VPS4B: variants seen among roughly 807,000 people sequenced by gnomAD.
The protein encoded by VPS4B is vacuolar protein sorting-associated protein 4B.
A neutral mutation model predicts 56.1 loss-of-function variants in VPS4B; 23 were observed. That is an observed-to-expected ratio of 0.41 (90% CI 0.30 to 0.58). VPS4B has a LOEUF of 0.58. Ranked by LOEUF, VPS4B falls within the 20% of genes least tolerant of loss-of-function variation. The pLI is 0.29. For missense variants in VPS4B, 372 were observed against 531.9 expected (o/e 0.70, Z 2.96); for synonymous variants, 177 against 186.0 (o/e 0.95, Z 0.39).
intron 2 of VPS4B, 62 bp from the exon 3 acceptor site, chr18:63,410,508 T>C: frequency 6.4e-7 from 1 of 1,568,262 alleles, no homozygotes; most frequent in Non-Finnish European, 8.6e-7. Flanking sequence ...AGGTTTGAAC[T>C]CTTAAATATG....
chr18:63,402,201 G>A (rs992908623), intron 5 of VPS4B, among the ~76,000 whole-genome samples: 2 of 152,024 alleles, frequency 1.3e-5, no homozygotes, highest in African/African-American at 4.8e-5. Flanking sequence ...ATATACCACT[G>A]GTATAACATG....
chr18:63,400,801 C>T (rs1327651010), intron 5 of VPS4B, 98 bp from the exon 6 acceptor site: 1 of 1,166,224 alleles, frequency 8.6e-7, no homozygotes, highest in Non-Finnish European at 1.2e-6. Flanking sequence ...CTCTAAACCT[C>T]TAAGGATCAA....
At chr18:63,399,194 C>A in intron 8 of VPS4B, 48 bp downstream of exon 8, 2 of 1,472,972 alleles carry the variant, frequency 1.4e-6, no homozygotes, top group Non-Finnish European at 1.9e-6. Context: ...TTATCATCTA[C>A]TTGTTACATC....
chr18:63,398,204 CATAT>C (rs200905713), intron 8 of VPS4B, among the ~76,000 whole-genome samples: 6,356 of 112,446 alleles, frequency 0.057, 198 homozygotes, highest in East Asian at 0.25. Context: ...CACACACACA[CATAT>C]ATATATATAT....
intron 1 of VPS4B, among the ~76,000 whole-genome samples, chr18:63,419,692 G>A (rs1246365128): frequency 6.6e-6 from 1 of 152,192 alleles, no homozygotes; most frequent in Non-Finnish European, 1.5e-5. Context: ...CCTACGTCAT[G>A]ATATGAACTG....
chr18:63,410,203 G>C, intron 3 of VPS4B, 87 bp downstream of exon 3: 1 of 1,548,220 alleles, frequency 6.5e-7, no homozygotes, highest in African/African-American at 1.4e-5. Flanking sequence ...ATGAGCCATA[G>C]TTTGCTGACA....
chr18:63,400,469 G>T, intron 6 of VPS4B, 78 bp downstream of exon 6: 1 of 1,404,086 alleles, frequency 7.1e-7, no homozygotes, highest in East Asian at 2.4e-5. Context: ...ATCTATAAGT[G>T]ATGTAAGAAA....
chr18:63,406,582 AATTT>A (rs1281147252), intron 4 of VPS4B, among the ~76,000 whole-genome samples: 1 of 152,250 alleles, frequency 6.6e-6, no homozygotes, highest in Non-Finnish European at 1.5e-5. Context: ...ATTGTTAGAT[AATTT>A]ATTTCGAAGA....
chr18:63,397,397 T>C, intron 8 of VPS4B, 144 bp from the exon 9 acceptor site: 2 of 734,086 alleles, frequency 2.7e-6, no homozygotes, highest in Middle Eastern at 4.1e-4. Context: ...CCAGAACACA[T>C]TAAAAACAAA....
intron 5 of VPS4B, among the ~76,000 whole-genome samples, chr18:63,401,925 G>A (rs1405040985): frequency 3.3e-5 from 5 of 152,140 alleles, no homozygotes; most frequent in Non-Finnish European, 7.3e-5. Flanking sequence ...CTCGGGAGGT[G>A]GAGGTTGCAG....
intron 10 of VPS4B, among the ~76,000 whole-genome samples, chr18:63,391,436 T>A (rs1915548112): frequency 2.0e-5 from 3 of 152,098 alleles, no homozygotes; most frequent in African/African-American, 7.2e-5. Context: ...GTTTTGTTGG[T>A]CAGGCTGGTC....
Position 63,390,946 on chromosome 18 carries a change from A to G in VPS4B, c.*29T>C. On this transcript the variant is annotated 3_prime_UTR_variant, in exon 11 of 11. Transcript: ENST00000238497. ...AAAATATCTATGAAAGAAAGAATAC[A>G]TATGGTAAGCATCTTCCTTGTCTTT... 1.4e-6 allele frequency: 2 copies of G among 1,429,020 alleles called. No individual in the cohort carries two copies. Among genetic ancestry groups the G allele is most frequent in the South Asian group, 1.2e-5 (1 of 86,258 alleles). 88.5% of individuals were successfully genotyped at this position (1,429,020 alleles called of 1,614,324 possible). A position where few individuals can be genotyped will look rare whatever the true frequency, so the allele number is the denominator to read the frequency against.
rs144476720 is a variant in VPS4B, at chr18:63,393,414, A to C, written c.1228T>G (p.Ser410Ala). 4.3e-5 allele frequency: 68 copies of C among 1,589,164 alleles called. No individual in the cohort carries two copies. Among genetic ancestry groups the C allele is most frequent in the Non-Finnish European group, 5.8e-5 (68 of 1,171,370 alleles). ...PGDKLLEPVV[S>A]MSDMLRSLSN... ...AAACAAACAAAATTTCAAACCATGG[A>C]AACAACTGGCTCCAAAAGTTTATCT... The change falls in exon 10 of 11, where the codon TCC becomes GCC. Residue 410 changes from serine to alanine, a missense_variant. Around this residue, in one of 3 missense-constraint regions of VPS4B, gnomAD observed 153 missense variants for 190.9 expected, o/e 0.80. Transcript: ENST00000238497.
chr18:63,393,862 G>A (rs985476856), intron 9 of VPS4B, among the ~76,000 whole-genome samples: 2 of 151,872 alleles, frequency 1.3e-5, no homozygotes. Context: ...TCAGCCTCCC[G>A]AGTAGCTAGG....
At chr18:63,392,605 C>T (rs542558504) in intron 10 of VPS4B, among the ~76,000 whole-genome samples, 20 of 151,942 alleles carry the variant, frequency 1.3e-4, no homozygotes, top group Non-Finnish European at 2.8e-4. Flanking sequence ...CGTGCCACCA[C>T]GTCTGGCTAA....
Position 63,403,838 on chromosome 18 carries a change from T to G in VPS4B, c.365-12A>C. On this transcript the variant is annotated splice_polypyrimidine_tract_variant and intron_variant, in intron 4 of 10. Transcript: ENST00000238497. ...TATAACAATGGCACCTGCAAAAAAT[T>G]ACGTTATCTTTAAATTAAGAAAGAC... 1 of 1,593,892 alleles carries G rather than the reference T, an allele frequency of 6.3e-7. No homozygotes were observed. The highest frequency in any genetic ancestry group is 1.4e-5 in the African/African-American group (1 of 74,070).
At chr18:63,414,042 T>C (rs1916107381) in intron 1 of VPS4B, among the ~76,000 whole-genome samples, 1 of 151,998 alleles carries the variant, frequency 6.6e-6, no homozygotes, top group Admixed American at 6.5e-5. Context: ...ACTGGTCATA[T>C]AAAAATGCAC....
intron 4 of VPS4B, among the ~76,000 whole-genome samples, chr18:63,405,712 C>T (rs1182645977): frequency 6.6e-6 from 1 of 151,966 alleles, no homozygotes; most frequent in African/African-American, 2.4e-5. Context: ...AATCCCAGCT[C>T]TTTGGGAGGC....
rs1054057777 is a variant in VPS4B at position 63,397,340 on chromosome 18, G to A, written c.873-87C>T. The A allele has an allele frequency of 5.7e-6, 7 of 1,217,534 alleles. No individual in the cohort carries two copies. The African/African-American group carries it at 9.2e-5, about 16-fold the overall frequency. The allele number at this position is 1,217,534 out of a possible 1,614,324, so 75.4% of individuals were successfully genotyped here. A position where few individuals can be genotyped will look rare whatever the true frequency, so the allele number is the denominator to read the frequency against. ...AACAGATACTAAGTTAAGTGGGCCT[G>A]TATGTGCCAAGGTTAAACATATATA... On this transcript the variant is annotated intron_variant, in intron 8 of 10. Coordinates refer to ENST00000238497, the MANE Select transcript of VPS4B (RefSeq NM_004869.4).
Sources: gnomAD v4.1 joint callset for allele counts (sites outside exome capture counted in the v4.1 genomes callset) on GRCh38, gnomAD v4.1.1 for gene constraint, gnomAD v4.1.1 regional missense constraint, MANE v1.5 for transcripts, NCBI Gene and HGNC (gene_info 2026-07-23, HGNC 2026-07-21) for gene names.